The following COPG2 variants were observed in gnomAD, a reference collection of about 807,000 sequenced individuals.
COPG2 encodes coatomer subunit gamma-2.
A neutral mutation model predicts 46.3 loss-of-function variants in COPG2; 37 were observed. That is an observed-to-expected ratio of 0.80 (90% CI 0.61 to 1.05). COPG2 has a LOEUF of 1.05. Ranked by LOEUF, COPG2 falls within the 50% of genes least tolerant of loss-of-function variation. The pLI, the probability that COPG2 is intolerant of heterozygous loss-of-function variation, is 0.00. For missense variants in COPG2, 427 were observed against 387.8 expected (o/e 1.10, Z -0.85); for synonymous variants, 159 against 129.7 (o/e 1.23, Z -1.53).
chr7:130,592,863 G>A (rs558745674), intron 9 of COPG2, among the ~76,000 whole-genome samples: 2 of 152,320 alleles, frequency 1.3e-5, no homozygotes, highest in East Asian at 1.9e-4. Context: ...TGCTGCTCTT[G>A]TATCCCACCT....
intron 20 of COPG2, among the ~76,000 whole-genome samples, chr7:130,530,184 G>T (rs1799810737): frequency 6.6e-6 from 1 of 152,160 alleles, no homozygotes; most frequent in South Asian, 2.1e-4. Flanking sequence ...TGTAGTGAGG[G>T]TAGTGTGGCT....
At chr7:130,636,651 A>G (rs1795345071) in intron 5 of COPG2, among the ~76,000 whole-genome samples, 1 of 150,742 alleles carries the variant, frequency 6.6e-6, no homozygotes, top group Non-Finnish European at 1.5e-5. Flanking sequence ...AATACAGTAC[A>G]CCAATGGATC....
At chr7:130,549,147 G>T (rs1793494357) in intron 18 of COPG2, among the ~76,000 whole-genome samples, 167 bp downstream of exon 18, 1 of 151,860 alleles carries the variant, frequency 6.6e-6, no homozygotes, top group Admixed American at 6.6e-5. Context: ...TTACAAACTG[G>T]AAAGTTCATG....
chr7:130,591,692 C>G (rs1794429104), intron 9 of COPG2, among the ~76,000 whole-genome samples: 1 of 147,952 alleles, frequency 6.8e-6, no homozygotes, highest in Non-Finnish European at 1.5e-5. Flanking sequence ...TGAGGAGCCC[C>G]TCTGCCCAGC....
chr7:130,595,910 T>C (rs781789446), intron 9 of COPG2, among the ~76,000 whole-genome samples: 1 of 152,170 alleles, frequency 6.6e-6, no homozygotes, highest in Non-Finnish European at 1.5e-5. Context: ...GGGGCCTTAA[T>C]TGGAGTCTTC....
At chr7:130,525,757 G>C (rs1178014368) in intron 20 of COPG2, among the ~76,000 whole-genome samples, 2 of 152,192 alleles carry the variant, frequency 1.3e-5, no homozygotes, top group Non-Finnish European at 1.5e-5. Context: ...CTGGGTACAT[G>C]GGACAGAGTA....
At chr7:130,591,729 G>T (rs1395266259) in intron 9 of COPG2, among the ~76,000 whole-genome samples, 6 of 139,926 alleles carry the variant, frequency 4.3e-5, no homozygotes, top group Admixed American at 2.9e-4. Flanking sequence ...GAAGGAGGTG[G>T]GGGGGTCAGC....
chr7:130,646,555 T>C (rs1795598315), intron 5 of COPG2, among the ~76,000 whole-genome samples: 1 of 152,164 alleles, frequency 6.6e-6, no homozygotes, highest in Non-Finnish European at 1.5e-5. Flanking sequence ...AACAAGTTAG[T>C]CATGAGTTTA....
At chr7:130,599,004 C>T (rs1323174358) in intron 9 of COPG2, among the ~76,000 whole-genome samples, 1 of 152,198 alleles carries the variant, frequency 6.6e-6, no homozygotes, top group East Asian at 1.9e-4. Context: ...TCCAAGCAAT[C>T]CCTGCCTCAG....
chr7:130,552,082 T>TA (rs1250433620), intron 15 of COPG2, among the ~76,000 whole-genome samples: 3 of 152,156 alleles, frequency 2.0e-5, no homozygotes, highest in African/African-American at 7.2e-5. Flanking sequence ...AGAAGCTCTA[T>TA]AAATAAGAGT....
At position 130,532,918 on chromosome 7, in the gene COPG2, G is replaced by A. The variant is rs910953407; in HGVS notation, c.2149+14756C>T. ...TAGGCCAGTGGCAGAATCACAGATC[G>A]TGCTGAGAGAATGCAGGATGGTGCA... On this transcript the variant is annotated intron_variant, in intron 20 of 23. Transcript: ENST00000425248. Among the ~76,000 whole-genome samples the A allele has an allele frequency of 6.1e-3, 936 of 152,270 alleles. 5 individuals carry two copies. Among genetic ancestry groups the A allele is most frequent in the Middle Eastern group, 0.034 (10 of 294 alleles).
At chr7:130,569,058 C>T (rs1369137480) in intron 9 of COPG2, among the ~76,000 whole-genome samples, 1 of 151,902 alleles carries the variant, frequency 6.6e-6, no homozygotes, top group Non-Finnish European at 1.5e-5. Context: ...AAAAAAGGTG[C>T]TAAGAGGAAA....
chr7:130,526,189 G>T (rs1161782281), intron 20 of COPG2, among the ~76,000 whole-genome samples: 1 of 152,164 alleles, frequency 6.6e-6, no homozygotes, highest in African/African-American at 2.4e-5. Flanking sequence ...GGCAGCCTAA[G>T]GGAAGGCGCT....
chr7:130,640,076 C>T (rs143893395), intron 5 of COPG2, among the ~76,000 whole-genome samples: 53 of 150,732 alleles, frequency 3.5e-4, no homozygotes, highest in Non-Finnish European at 6.6e-4. Flanking sequence ...GACCTCAGGA[C>T]GGGAAAGAAA....
rs74991184 is a variant in COPG2 at position 130,645,679 on chromosome 7, A to C, written c.323+7190T>G. 2.4e-4 allele frequency: 38 copies of C among 158,992 alleles called. No individual in the cohort carries two copies. In the East Asian group the frequency reaches 6.9e-3, roughly 29 times the overall value. 9.8% of individuals were successfully genotyped at this position (158,992 alleles called of 1,614,324 possible). On this transcript the variant is annotated intron_variant, in intron 5 of 23. Transcript: ENST00000425248. ...GGAAGCAAAAGAAAGAAGCCAGATA[A>C]GAACTCTAAGGTGGATGCCTACGGA...
At chr7:130,532,800 G>A (rs905974782) in intron 20 of COPG2, among the ~76,000 whole-genome samples, 24 of 152,268 alleles carry the variant, frequency 1.6e-4, no homozygotes, top group Admixed American at 1.0e-3. Flanking sequence ...GGTGGATTCG[G>A]TGCAGTACGT....
intron 5 of COPG2, among the ~76,000 whole-genome samples, chr7:130,617,466 T>C (rs1236842381): frequency 1.3e-5 from 2 of 152,232 alleles, no homozygotes; most frequent in African/African-American, 2.4e-5. Context: ...AGACTAGACA[T>C]AACTTTTAAA....
chr7:130,610,129 T>C (rs781939706), intron 9 of COPG2: 4 of 518,830 alleles, frequency 7.7e-6, no homozygotes, highest in African/African-American at 1.9e-5. Context: ...TATTTTTTGA[T>C]TGTTTGCTAG....
intron 9 of COPG2, among the ~76,000 whole-genome samples, chr7:130,577,789 CA>C (rs1305425318): frequency 9.8e-4 from 123 of 125,330 alleles, no homozygotes; most frequent in African/African-American, 2.9e-3. Flanking sequence ...AAAAAAAAAA[CA>C]AAAAAAAAAA....
Sources: gnomAD v4.1 joint callset for allele counts (sites outside exome capture counted in the v4.1 genomes callset) on GRCh38, gnomAD v4.1.1 for gene constraint, MANE v1.5 for transcripts, NCBI Gene and HGNC (gene_info 2026-07-23, HGNC 2026-07-21) for gene names.